FMNL3: variants seen among roughly 807,000 people sequenced by gnomAD.
FMNL3 encodes the protein formin like 3, also known as formin-like protein 3.
Under a neutral mutation model 119.6 loss-of-function variants are expected in FMNL3, and 57 were observed. The observed-to-expected ratio is 0.48, with a 90% CI of 0.39 to 0.59. FMNL3 has a LOEUF of 0.59. Ranked by LOEUF, FMNL3 falls within the 20% of genes least tolerant of loss-of-function variation. The pLI, the probability that FMNL3 is intolerant of heterozygous loss-of-function variation, is 0.00. For missense variants in FMNL3, 1,053 were observed against 1,323.5 expected (o/e 0.80, Z 3.17); for synonymous variants, 491 against 507.3 (o/e 0.97, Z 0.43).
At chr12:49,678,683 G>C (rs1295177389) in intron 1 of FMNL3, among the ~76,000 whole-genome samples, 1 of 151,838 alleles carries the variant, frequency 6.6e-6, no homozygotes, top group Non-Finnish European at 1.5e-5. Flanking sequence ...GGCTGGTCTC[G>C]AACTCCTGGA....
At position 49,644,278 on chromosome 12, in the gene FMNL3, G is replaced by A; in HGVS notation, c.*1537C>T. 6.8e-7 allele frequency: 1 copy of A among 1,463,272 alleles called. No homozygotes were observed. The highest frequency in any genetic ancestry group is 9.5e-7 in the Non-Finnish European group (1 of 1,054,428). 90.6% of individuals were successfully genotyped at this position (1,463,272 alleles called of 1,614,324 possible). A position where few individuals can be genotyped will look rare whatever the true frequency, so the allele number is the denominator to read the frequency against. ...CCGTCTGCCTCAGACTTCTTCCTTA[G>A]TCTGGTCTGTGTCCACTTTTTCTAA... On this transcript the variant is annotated 3_prime_UTR_variant, in exon 26 of 26. Transcript: ENST00000335154.
At position 49,641,174 on chromosome 12, in the gene FMNL3, G is replaced by A. The variant is rs1942591471; in HGVS notation, c.*4641C>T. On this transcript the variant is annotated 3_prime_UTR_variant, in exon 26 of 26. Coordinates refer to ENST00000335154, the MANE Select transcript of FMNL3 (RefSeq NM_175736.5). ...CCTCTGCTTCACTGGAATGTTGTGA[G>A]GCCTAAATGAGAAGCATAGAGCCTG... The A allele has an allele frequency of 6.6e-6, 1 of 152,190 alleles. No individual in the cohort carries two copies. Among genetic ancestry groups the A allele is most frequent in the Non-Finnish European group, 1.5e-5 (1 of 68,056 alleles). The allele number at this position is 152,190 out of a possible 1,614,324, so 9.4% of individuals were successfully genotyped here.
chr12:49,684,464 T>C (rs141057546), intron 1 of FMNL3, among the ~76,000 whole-genome samples: 1 of 152,324 alleles, frequency 6.6e-6, no homozygotes, highest in African/African-American at 2.4e-5. Context: ...CTAGATGCTT[T>C]CTTTACAATT....
intron 1 of FMNL3, among the ~76,000 whole-genome samples, chr12:49,675,105 T>C (rs2138908594): frequency 6.6e-6 from 1 of 152,308 alleles, no homozygotes; most frequent in East Asian, 1.9e-4. Context: ...GCCACACTGT[T>C]GGCCTCATAC....
Position 49,650,705 on chromosome 12 carries a change from C to G in FMNL3, c.1971G>C (p.Ser657=), listed in dbSNP as rs768623965. ...LAITLRKAGR[S]AEEICRAIHT... is the part of the protein sequence containing the mutation. Reference sequence around the variant, plus strand: ...GAATGGCCCTGCAGATCTCCTCAGCCGAGCGGCCAGCCTTGCGTAGGGTGA... The same window carrying G: ...GAATGGCCCTGCAGATCTCCTCAGCGGAGCGGCCAGCCTTGCGTAGGGTGA... The change falls in exon 17 of 26, where the codon TCG becomes TCC. Residue 657 remains serine, a synonymous_variant. Coordinates refer to ENST00000335154, the MANE Select transcript of FMNL3 (RefSeq NM_175736.5). 1 of 1,613,820 alleles carries G rather than the reference C, an allele frequency of 6.2e-7. No individual in the cohort carries two copies. The highest frequency in any genetic ancestry group is 1.1e-5 in the South Asian group (1 of 91,060).
Position 49,642,090 on chromosome 12 carries a change from C to T in FMNL3, c.*3725G>A, listed in dbSNP as rs754315876. On this transcript the variant is annotated 3_prime_UTR_variant, in exon 26 of 26. Transcript: ENST00000335154. This position sits in a 1 kb window ranked among gnomAD's most constrained non-coding sequence, Gnocchi z 5.8. Reference sequence around the variant, plus strand: ...CTGTGTCTTGCTCCATTCCTTCTCACTCACTGTCCCACTGACTATATTCCC... The same window carrying T: ...CTGTGTCTTGCTCCATTCCTTCTCATTCACTGTCCCACTGACTATATTCCC... The T allele has an allele frequency of 6.2e-7, 1 of 1,603,284 alleles. No homozygotes were observed. The highest frequency in any genetic ancestry group is 8.5e-7 in the Non-Finnish European group (1 of 1,172,682).
rs780633306 is a variant in FMNL3, at chr12:49,643,023, A to AAGGAACTCTAC, written c.*2791_*2792insGTAGAGTTCCT. ...GCGTTCCCACTCACCCTCAGTGAGTAAGCGTGTAGAAGGGACATGGGGTGA... is the reference window on the plus strand; with the variant it reads ...GCGTTCCCACTCACCCTCAGTGAGTAAGGAACTCTACAGCGTGTAGAAGGGACATGGGGTGA... On this transcript the variant is annotated 3_prime_UTR_variant, in exon 26 of 26. Coordinates refer to ENST00000335154, the MANE Select transcript of FMNL3 (RefSeq NM_175736.5). The AAGGAACTCTAC allele has an allele frequency of 8.1e-6, 13 of 1,612,672 alleles. No individual in the cohort carries two copies. The African/African-American group carries it at 1.5e-4, about 18-fold the overall frequency.
At chr12:49,700,477 G>A (rs1944876672) in intron 1 of FMNL3, among the ~76,000 whole-genome samples, 2 of 151,500 alleles carry the variant, frequency 1.3e-5, no homozygotes, top group Non-Finnish European at 2.9e-5. Context: ...AACTTTGGGA[G>A]GCCGAGGCAG....
At position 49,637,598 on chromosome 12, in the gene FMNL3, G is replaced by C; in HGVS notation, c.*8217C>G. On this transcript the variant is annotated 3_prime_UTR_variant, in exon 26 of 26. Coordinates refer to ENST00000335154, the MANE Select transcript of FMNL3 (RefSeq NM_175736.5). ...TGGGCCAGCCGGGTAAGGCAGCCAG[G>C]CTCCCCCTTCTCTGGCCTGGCTTCC... 3.7e-6 allele frequency: 6 copies of C among 1,610,396 alleles called. No individual in the cohort carries two copies. The highest frequency in any genetic ancestry group is 5.1e-6 in the Non-Finnish European group (6 of 1,177,714).
At position 49,644,636 on chromosome 12, in the gene FMNL3, T is replaced by C. The variant is rs551942425; in HGVS notation, c.*1179A>G. On this transcript the variant is annotated 3_prime_UTR_variant, in exon 26 of 26. Coordinates refer to ENST00000335154, the MANE Select transcript of FMNL3 (RefSeq NM_175736.5). ...CCTAATGTACGTGTGTTTTGTTTTT[T>C]GTTTTTTAAATAACAATATTTATAA... The C allele has an allele frequency of 3.7e-5, 7 of 187,744 alleles. No homozygotes were observed. Among genetic ancestry groups the C allele is most frequent in the African/African-American group, 1.6e-4 (7 of 42,808 alleles). The allele number at this position is 187,744 out of a possible 1,614,324, so 11.6% of individuals were successfully genotyped here.
rs878967875 is a variant in FMNL3 at position 49,648,262 on chromosome 12, G to A, written c.2607C>T (p.Val869=). The change falls in exon 22 of 26, where the codon GTC becomes GTT. Residue 869 remains valine (V), a synonymous_variant. Transcript: ENST00000335154. ...RRECSIHDNS[V]LRNFLSTNEG... ...CATTGGTACTGAGGAAGTTCCGGAG[G>A]ACGCTGTTGTCATGGATGCTGCACT... 3 of 1,614,044 alleles carry A rather than the reference G, an allele frequency of 1.9e-6. No individual in the cohort carries two copies. The South Asian group carries it at 3.3e-5, about 18-fold the overall frequency.
In FMNL3 at chr12:49,650,776, T is replaced by A; in HGVS notation, c.1900A>T (p.Ser634Cys). Residue 634 changes from serine to cysteine, a missense_variant, in exon 17 of 26, where the codon AGC (serine) becomes TGC (cysteine). By Grantham distance (112) the Ser-to-Cys change is moderately radical (BLOSUM62 -1). This residue lies in a region of FMNL3 where 445 missense variants were observed against 628.4 expected (regional missense o/e 0.71). Coordinates refer to ENST00000335154, the MANE Select transcript of FMNL3 (RefSeq NM_175736.5). ...TTGGCTTCCAACAGAGTCACCTTGC[T>A]GGCAGCTTTTTGCGCTGTCTTGTTT... ...SKNKTAQKAA[S>C]KVTLLEANRA... 1 of 1,614,254 alleles carries A rather than the reference T, an allele frequency of 6.2e-7. No individual in the cohort carries two copies. Among genetic ancestry groups the A allele is most frequent in the Non-Finnish European group, 8.5e-7 (1 of 1,180,044 alleles).
chr12:49,660,318 G>C (rs1050057594), intron 5 of FMNL3, among the ~76,000 whole-genome samples: 1 of 152,112 alleles, frequency 6.6e-6, no homozygotes, highest in African/African-American at 2.4e-5. Context: ...CTTGGTTTAG[G>C]GTGGCTGGAA....
At position 49,643,791 on chromosome 12, in the gene FMNL3, G is replaced by C; in HGVS notation, c.*2024C>G. 1 of 1,613,682 alleles carries C rather than the reference G, an allele frequency of 6.2e-7. No homozygotes were observed. The highest frequency in any genetic ancestry group is 8.5e-7 in the Non-Finnish European group (1 of 1,179,864). ...CTTCTACCTAAGCCCCTGCTATTTT[G>C]TGAGTTCTGTTCTACCTGCCTCCCA... On this transcript the variant is annotated 3_prime_UTR_variant, in exon 26 of 26. Transcript: ENST00000335154.
intron 1 of FMNL3, among the ~76,000 whole-genome samples, chr12:49,670,361 A>G (rs1944011916): frequency 6.6e-6 from 1 of 152,164 alleles, no homozygotes; most frequent in African/African-American, 2.4e-5. Context: ...CCAGCTGTAT[A>G]CTCATCTAGC....
chr12:49,697,919 G>T (rs371636109), intron 1 of FMNL3, among the ~76,000 whole-genome samples: 34 of 151,940 alleles, frequency 2.2e-4, no homozygotes, highest in African/African-American at 8.0e-4. Flanking sequence ...AAAACCAATG[G>T]TCTACTGCTT....
chr12:49,690,493 G>T (rs1185993296), intron 1 of FMNL3, among the ~76,000 whole-genome samples: 2 of 152,138 alleles, frequency 1.3e-5, no homozygotes, highest in Admixed American at 1.3e-4. Context: ...TGAGGGCAAA[G>T]GAATTCTTAG....
chr12:49,701,553 C>T (rs1474571932), intron 1 of FMNL3, among the ~76,000 whole-genome samples: 4 of 152,124 alleles, frequency 2.6e-5, no homozygotes, highest in African/African-American at 9.7e-5. Flanking sequence ...AAGCAAAAAA[C>T]CTAAATATCT....
At chr12:49,651,624 A>G (rs1376316605) in intron 14 of FMNL3, among the ~76,000 whole-genome samples, 174 bp from the exon 15 acceptor site, 2 of 152,008 alleles carry the variant, frequency 1.3e-5, no homozygotes, top group African/African-American at 4.8e-5. Flanking sequence ...CTGACAGGGC[A>G]GTTGTTGCTG....
Sources: gnomAD v4.1 joint callset for allele counts (sites outside exome capture counted in the v4.1 genomes callset) on GRCh38, gnomAD v4.1.1 for gene constraint, gnomAD v4.1.1 regional missense constraint, Gnocchi (gnomAD v3.1) non-coding constraint, MANE v1.5 for transcripts, NCBI Gene and HGNC (gene_info 2026-07-23, HGNC 2026-07-21) for gene names.